Variants in KIFC3 observed in about 807,000 individuals in gnomAD.
The protein encoded by KIFC3 is kinesin family member C3.
In KIFC3, 60 loss-of-function variants were observed where a neutral mutation model predicts 101.8. That is an observed-to-expected ratio of 0.59 (90% CI 0.48 to 0.73). The LOEUF (loss-of-function observed/expected upper bound fraction) is 0.73, where lower values mean the gene tolerates loss of function less well. Ranked by LOEUF, KIFC3 falls within the 30% of genes least tolerant of loss-of-function variation. KIFC3 has a pLI of 0.00. For missense variants in KIFC3, 966 were observed against 1,137.1 expected (o/e 0.85, Z 2.16); for synonymous variants, 476 against 482.7 (o/e 0.99, Z 0.18).
intron 1 of KIFC3, among the ~76,000 whole-genome samples, chr16:57,855,014 G>A (rs968439093): frequency 2.0e-5 from 3 of 151,652 alleles, no homozygotes; most frequent in Non-Finnish European, 4.4e-5. Flanking sequence ...GAGGCTTGGA[G>A]TTTGAGATGA....
intron 1 of KIFC3, among the ~76,000 whole-genome samples, chr16:57,850,746 T>C (rs1263694776): frequency 1.3e-5 from 2 of 151,704 alleles, no homozygotes; most frequent in Admixed American, 1.3e-4. Context: ...AAAGTGCTAG[T>C]ATTACAGGAG....
In KIFC3 at chr16:57,769,578, C is replaced by T. The variant is rs782398275; in HGVS notation, c.1218+17G>A. 2 of 1,604,138 alleles carry T rather than the reference C, an allele frequency of 1.2e-6. No homozygotes were observed. The highest frequency in any genetic ancestry group is 1.7e-6 in the Non-Finnish European group (2 of 1,176,908). On this transcript the variant is annotated intron_variant, in intron 9 of 19. Coordinates refer to ENST00000445690, the MANE Select transcript of KIFC3 (RefSeq NM_001130100.2). This position sits in a 1 kb window ranked among gnomAD's most constrained non-coding sequence, Gnocchi z 4.3. ...ACCCCCTTAGCCTGGACCCTCCCACCCACTGCCCTCGCTCACCTCGGCCTT... is the reference window on the plus strand; with the variant it reads ...ACCCCCTTAGCCTGGACCCTCCCACTCACTGCCCTCGCTCACCTCGGCCTT...
At chr16:57,796,866 A>C (rs1420786972) in intron 2 of KIFC3, among the ~76,000 whole-genome samples, 1 of 152,192 alleles carries the variant, frequency 6.6e-6, no homozygotes, top group Non-Finnish European at 1.5e-5. Context: ...CTAAGGGAAA[A>C]TGCTTTTGTT....
At position 57,768,711 on chromosome 16, in the gene KIFC3, A is replaced by G. The variant is rs541821966; in HGVS notation, c.1218+884T>C. Among the ~76,000 whole-genome samples, 6 of 152,358 alleles carry G rather than the reference A, an allele frequency of 3.9e-5. No homozygotes were observed. The South Asian group carries it at 1.2e-3, about 32-fold the overall frequency. On this transcript the variant is annotated intron_variant, in intron 9 of 19. Coordinates refer to ENST00000445690, the MANE Select transcript of KIFC3 (RefSeq NM_001130100.2). ...TATAGTCTTTTAAAGGAGAAGAACT[A>G]TATTCTGTTCCCAAAATATATTAGT...
intron 1 of KIFC3, among the ~76,000 whole-genome samples, chr16:57,827,859 A>G (rs1249183518): frequency 6.6e-6 from 1 of 152,248 alleles, no homozygotes; most frequent in African/African-American, 2.4e-5. Context: ...CCAAGAAAAG[A>G]AAAATACCTC....
At chr16:57,788,362 ATGGGTGAGATG>A (rs2053546178) in intron 3 of KIFC3, among the ~76,000 whole-genome samples, 1 of 152,228 alleles carries the variant, frequency 6.6e-6, no homozygotes, top group African/African-American at 2.4e-5. Context: ...TGTGGGAGGC[ATGGGTGAGATG>A]AAGGTTCTAT....
intron 14 of KIFC3, 114 bp downstream of exon 14, chr16:57,761,298 GA>G: frequency 6.4e-7 from 1 of 1,565,314 alleles, no homozygotes; most frequent in Non-Finnish European, 8.7e-7. Flanking sequence ...GAGGCTCAGA[GA>G]GGCGTGCGGA....
At chr16:57,853,840 C>G (rs2056108240) in intron 1 of KIFC3, among the ~76,000 whole-genome samples, 1 of 152,112 alleles carries the variant, frequency 6.6e-6, no homozygotes, top group Non-Finnish European at 1.5e-5. Context: ...ACCCTGTTGT[C>G]CAGGCTGGTC....
intron 1 of KIFC3, among the ~76,000 whole-genome samples, chr16:57,828,369 A>T (rs1215217609): frequency 2.0e-5 from 3 of 152,090 alleles, no homozygotes; most frequent in Non-Finnish European, 4.4e-5. Context: ...CGCCATTGAA[A>T]CCCAGGCCCT....
chr16:57,785,618 G>A (rs1555617361), intron 3 of KIFC3: 2 of 1,269,156 alleles, frequency 1.6e-6, no homozygotes, highest in Admixed American at 4.8e-5. Flanking sequence ...GGCCGCACCT[G>A]GTGGCCCCGA....
At chr16:57,762,085 C>G in intron 13 of KIFC3, 55 bp downstream of exon 13, 1 of 1,520,762 alleles carries the variant, frequency 6.6e-7, no homozygotes, top group Non-Finnish European at 8.8e-7. Context: ...AGCACCACCC[C>G]GGAGGACCCC....
At chr16:57,852,160 T>TTAACC (rs1299634720) in intron 1 of KIFC3, among the ~76,000 whole-genome samples, 1 of 152,178 alleles carries the variant, frequency 6.6e-6, no homozygotes, top group Non-Finnish European at 1.5e-5. Flanking sequence ...AACTGTGAGA[T>TTAACC]TATCCTTGGC....
upstream of KIFC3, among the ~76,000 whole-genome samples, chr16:57,807,375 AC>A (rs2149251942): frequency 6.6e-6 from 1 of 152,250 alleles, no homozygotes; most frequent in East Asian, 1.9e-4. Context: ...GGGGTCTGGC[AC>A]AAGGCTCACA....
At chr16:57,798,633 GT>G in intron 1 of KIFC3, 1 of 375,616 alleles carries the variant, frequency 2.7e-6, no homozygotes, top group East Asian at 6.3e-5. Context: ...CAGCATCTCC[GT>G]AAGTCTAATC....
intron 1 of KIFC3, among the ~76,000 whole-genome samples, chr16:57,825,147 C>T (rs1017131770): frequency 6.6e-6 from 1 of 152,246 alleles, no homozygotes; most frequent in Admixed American, 6.5e-5. Flanking sequence ...TCCCAGGCTG[C>T]TCTGCAACAC....
Position 57,845,761 on chromosome 16 carries a change from T to C in KIFC3, c.108+16968A>G, listed in dbSNP as rs181386757. 1.6e-4 allele frequency among the ~76,000 whole-genome samples: 25 copies of C among 152,344 alleles called. No individual in the cohort carries two copies. In the East Asian group the frequency reaches 4.6e-3, roughly 28 times the overall value. On this transcript the variant is annotated intron_variant, in intron 1 of 2. Coordinates refer to the KIFC3 transcript ENST00000563028. ...GATTGGTTGATTGGTTTTTGTTTTT[T>C]AGTCTTCGCACTTAACACCTTCCAA...
chr16:57,784,193 G>C (rs942839150), intron 3 of KIFC3, among the ~76,000 whole-genome samples: 1 of 152,268 alleles, frequency 6.6e-6, no homozygotes, highest in Non-Finnish European at 1.5e-5. Context: ...CTCAGTGCCA[G>C]TACAAAAGGG....
chr16:57,799,931 T>C (rs550779322), intron 1 of KIFC3, among the ~76,000 whole-genome samples: 2 of 151,940 alleles, frequency 1.3e-5, no homozygotes, highest in Non-Finnish European at 2.9e-5. Flanking sequence ...GAAGGGCAGA[T>C]GGCAAACTTC....
Position 57,764,154 on chromosome 16 carries a change from A to G in KIFC3, c.1606T>C (p.Tyr536His). The change falls in exon 12 of 20, where the codon TAC (tyrosine) becomes CAC (histidine). Residue 536 changes from tyrosine to histidine, a missense_variant. This residue lies in a region of KIFC3 where 689 missense variants were observed against 884.6 expected (regional missense o/e 0.78). Coordinates refer to ENST00000445690, the MANE Select transcript of KIFC3 (RefSeq NM_001130100.2). Reference sequence around the variant, plus strand: ...TGGGCAGCACCCACCTCCATCGTGTACGTCTTGCCGGCGCCCGTCTGGCCG... The same window carrying G: ...TGGGCAGCACCCACCTCCATCGTGTGCGTCTTGCCGGCGCCCGTCTGGCCG... ...AYGQTGAGKT[Y>H]TMEGTAENPG... The G allele has an allele frequency of 1.9e-6, 3 of 1,612,316 alleles. No homozygotes were observed. Among genetic ancestry groups the G allele is most frequent in the Non-Finnish European group, 2.5e-6 (3 of 1,179,488 alleles).
Sources: gnomAD v4.1 joint callset for allele counts (sites outside exome capture counted in the v4.1 genomes callset) on GRCh38, gnomAD v4.1.1 for gene constraint, gnomAD v4.1.1 regional missense constraint, Gnocchi (gnomAD v3.1) non-coding constraint, MANE v1.5 for transcripts, NCBI Gene and HGNC (gene_info 2026-07-23, HGNC 2026-07-21) for gene names.